Variants in MAP1LC3B observed in about 807,000 individuals in gnomAD.
MAP1LC3B encodes microtubule-associated protein 1 light chain 3 beta.
Under a neutral mutation model 16.7 loss-of-function variants are expected in MAP1LC3B, and 12 were observed. That is an observed-to-expected ratio of 0.72 (90% confidence interval 0.46 to 1.16). MAP1LC3B has a LOEUF of 1.16. Among genes scored for constraint, MAP1LC3B ranks in the 50% most tolerant of loss-of-function variants. The pLI, the probability that MAP1LC3B is intolerant of heterozygous loss-of-function variation, is 0.00. For synonymous variants in MAP1LC3B, 63 were observed against 56.5 expected (o/e 1.11, Z -0.51); for missense variants, 155 against 159.5 (o/e 0.97, Z 0.15).
Position 87,403,219 on chromosome 16 carries a change from A to G in MAP1LC3B, c.*122A>G, listed in dbSNP as rs113176476. On this transcript the variant is annotated 3_prime_UTR_variant, in exon 4 of 4. Transcript: ENST00000268607. ...CAGATCATGAAACAGTAGTGTTCCC[A>G]CCTAGGAGTGTTAGGAAGTTGTGTT... 1.6e-6 allele frequency: 2 copies of G among 1,234,482 alleles called. No homozygotes were observed. 76.5% of individuals were successfully genotyped at this position (1,234,482 alleles called of 1,614,324 possible).
chr16:87,392,435 C>G lies in MAP1LC3B; in HGVS notation c.8C>G (p.Ser3Trp), dbSNP rs536459957. 2.5e-5 allele frequency: 35 copies of G among 1,417,496 alleles called. No homozygotes were observed. The East Asian group carries it at 8.5e-4, about 34-fold the overall frequency. 87.8% of individuals were successfully genotyped at this position (1,417,496 alleles called of 1,614,324 possible). A position where few individuals can be genotyped will look rare whatever the true frequency, so the allele number is the denominator to read the frequency against. MP[S>W]EKTFKQRRTF... ...CGCCCAGATCCCTGCACCATGCCGT[C>G]GGAGAAGACCTTCAAGCAGCGCCGC... The change falls in exon 1 of 4, where the codon TCG (serine) becomes TGG (tryptophan). Residue 3 changes from serine (S) to tryptophan (W), a missense_variant. Physicochemically the swap from Ser to Trp is radical, Grantham distance 177. Coordinates refer to ENST00000268607, the MANE Select transcript of MAP1LC3B (RefSeq NM_022818.5).
chr16:87,402,426 A>C (rs111707571), intron 3 of MAP1LC3B, 145 bp downstream of exon 3: 1 of 764,622 alleles, frequency 1.3e-6, no homozygotes, highest in African/African-American at 1.8e-5. Context: ...GTTATGATTA[A>C]AACAATTTCA....
At chr16:87,394,544 C>T (rs763688293) in intron 1 of MAP1LC3B, among the ~76,000 whole-genome samples, 3 of 152,210 alleles carry the variant, frequency 2.0e-5, no homozygotes, top group Non-Finnish European at 4.4e-5. Flanking sequence ...GATTTTAAGG[C>T]TCACTGAAAA....
chr16:87,399,615 A>G (rs559835644), intron 2 of MAP1LC3B: 61 of 455,718 alleles, frequency 1.3e-4, no homozygotes, highest in Non-Finnish European at 2.0e-4. Flanking sequence ...GAATTACTGT[A>G]TATAGAAAAG....
In MAP1LC3B at chr16:87,404,182, G is replaced by A. The variant is rs1444028011; in HGVS notation, c.*1085G>A. On this transcript the variant is annotated 3_prime_UTR_variant, in exon 4 of 4. Transcript: ENST00000268607. ...GAAAACATAGCAAAAAGAGCCGTAC[G>A]CTCTTTACAGATACTAATGTCAAGA... 2.0e-5 allele frequency: 3 copies of A among 152,132 alleles called. No homozygotes were observed. The highest frequency in any genetic ancestry group is 1.5e-5 in the Non-Finnish European group (1 of 68,036). 9.4% of individuals were successfully genotyped at this position (152,132 alleles called of 1,614,324 possible).
chr16:87,396,360 AGCTACTT>A (rs1324673540), intron 1 of MAP1LC3B, among the ~76,000 whole-genome samples: 1 of 151,778 alleles, frequency 6.6e-6, no homozygotes, highest in Non-Finnish European at 1.5e-5. Flanking sequence ...CTGTAGTCCC[AGCTACTT>A]GGGATGCTGA....
chr16:87,396,060 C>T (rs367618247), intron 1 of MAP1LC3B, among the ~76,000 whole-genome samples: 7 of 151,402 alleles, frequency 4.6e-5, no homozygotes, highest in East Asian at 3.9e-4. Context: ...AGGGTTTCAC[C>T]GTGTTGGCCA....
chr16:87,393,517 T>C (rs73238656), intron 1 of MAP1LC3B, among the ~76,000 whole-genome samples: 3,785 of 152,294 alleles, frequency 0.025, 160 homozygotes, highest in African/African-American at 0.083. Flanking sequence ...GCAGGTCTCA[T>C]TGACCATTAT....
rs2150714617 is a variant in MAP1LC3B at position 87,403,975 on chromosome 16, TCAGA to T, written c.*881_*884del. 1 of 152,266 alleles carries T rather than the reference TCAGA, an allele frequency of 6.6e-6. No individual in the cohort carries two copies. The highest frequency in any genetic ancestry group is 2.1e-4 in the South Asian group (1 of 4,818). 9.4% of individuals were successfully genotyped at this position (152,266 alleles called of 1,614,324 possible). On this transcript the variant is annotated 3_prime_UTR_variant, in exon 4 of 4. Transcript: ENST00000268607. Reference sequence around the variant, plus strand: ...ATAGTATAACTGAAAACATTAACATTCAGACACACTCCCTTCTGCCTTCCGGCTT... The same window carrying T: ...ATAGTATAACTGAAAACATTAACATTCACACTCCCTTCTGCCTTCCGGCTT...
At chr16:87,400,731 G>A (rs1220017737) in intron 2 of MAP1LC3B, among the ~76,000 whole-genome samples, 3 of 150,570 alleles carry the variant, frequency 2.0e-5, no homozygotes, top group Non-Finnish European at 4.4e-5. Context: ...ATGGATGAAA[G>A]GTTTTTATGT....
intron 1 of MAP1LC3B, among the ~76,000 whole-genome samples, chr16:87,397,566 G>A (rs1023801353): frequency 3.9e-5 from 6 of 152,154 alleles, no homozygotes; most frequent in East Asian, 1.9e-4. Flanking sequence ...TGCAGTGAGC[G>A]GAGATTGCAG....
Position 87,403,274 on chromosome 16 carries a change from A to C in MAP1LC3B, c.*177A>C, listed in dbSNP as rs538323501. On this transcript the variant is annotated 3_prime_UTR_variant, in exon 4 of 4. Coordinates refer to ENST00000268607, the MANE Select transcript of MAP1LC3B (RefSeq NM_022818.5). ...TTTCAAGCAGAAAAACTGAGCTCCA[A>C]GTGAGCACATTCAGCTTTGGAAACT... 1.8e-6 allele frequency: 1 copy of C among 548,886 alleles called. No individual in the cohort carries two copies. The highest frequency in any genetic ancestry group is 3.0e-5 in the East Asian group (1 of 33,026). 34.0% of individuals were successfully genotyped at this position (548,886 alleles called of 1,614,324 possible).
intron 1 of MAP1LC3B, 63 bp downstream of exon 1, chr16:87,392,530 AG>A: frequency 8.1e-7 from 1 of 1,231,274 alleles, no homozygotes; most frequent in African/African-American, 1.6e-5. Flanking sequence ...GGAGGGCGGC[AG>A]GGCCTGGGAC....
chr16:87,393,785 G>A (rs1348949752), intron 1 of MAP1LC3B, among the ~76,000 whole-genome samples: 2 of 151,972 alleles, frequency 1.3e-5, no homozygotes, highest in Non-Finnish European at 2.9e-5. Context: ...CTGTCACCTG[G>A]GCTGGAGTGC....
At chr16:87,392,598 G>A in intron 1 of MAP1LC3B, 131 bp downstream of exon 1, 1 of 902,624 alleles carries the variant, frequency 1.1e-6, no homozygotes, top group East Asian at 5.1e-5. Context: ...GCTGCCGGCC[G>A]GCGGGGCCGA....
rs758236276 is a variant in MAP1LC3B, at chr16:87,398,855, T to TC, written c.83dup (p.Thr29AsnfsTer13). ...ATGTCCGACTTATTCGAGAGCAGCATCCAACCAAAATCCCGGTAGGTAGTC... is the reference window on the plus strand; with the variant it reads ...ATGTCCGACTTATTCGAGAGCAGCATCCCAACCAAAATCCCGGTAGGTAGTC... On this transcript the variant is annotated frameshift_variant, in exon 2 of 4. Coordinates refer to ENST00000268607, the MANE Select transcript of MAP1LC3B (RefSeq NM_022818.5). LOFTEE classifies it high-confidence loss of function. 1 of 1,614,098 alleles carries TC rather than the reference T, an allele frequency of 6.2e-7. No individual in the cohort carries two copies. Among genetic ancestry groups the TC allele is most frequent in the Non-Finnish European group, 8.5e-7 (1 of 1,179,948 alleles).
intron 1 of MAP1LC3B, chr16:87,396,609 G>C (rs923813071): frequency 4.0e-5 from 6 of 151,662 alleles, no homozygotes; most frequent in African/African-American, 7.3e-5. Flanking sequence ...GAATTAAATC[G>C]TGATTTACCC....
intron 2 of MAP1LC3B, chr16:87,399,562 C>T (rs1378104790): frequency 2.2e-6 from 1 of 446,798 alleles, no homozygotes; most frequent in African/African-American, 2.0e-5. Flanking sequence ...TAAAGATTTC[C>T]CATTCCTGCC....
At chr16:87,402,044 C>G in intron 2 of MAP1LC3B, 131 bp from the exon 3 acceptor site, 1 of 717,328 alleles carries the variant, frequency 1.4e-6, no homozygotes, top group South Asian at 1.9e-5. Flanking sequence ...ACCATGTTAG[C>G]CAGGGTGGTC....
Sources: gnomAD v4.1 joint callset for allele counts (sites outside exome capture counted in the v4.1 genomes callset) on GRCh38, gnomAD v4.1.1 for gene constraint, MANE v1.5 for transcripts, NCBI Gene and HGNC (gene_info 2026-07-23, HGNC 2026-07-21) for gene names.